Variants in INF2 observed in about 807,000 individuals in gnomAD.
The protein encoded by INF2 is inverted formin 2, also known as inverted formin-2.
INF2 carries 43 observed loss-of-function variants against 123.5 expected under a neutral mutation model. The ratio of observed to expected loss-of-function variants is 0.35; its 90% CI spans 0.27 to 0.45. The LOEUF (loss-of-function observed/expected upper bound fraction) is 0.45. Among genes scored for constraint, INF2 ranks in the 20% least tolerant of loss-of-function variants. The pLI, the probability that INF2 is intolerant of heterozygous loss-of-function variation, is 1.00. For synonymous variants in INF2, 851 were observed against 745.0 expected (o/e 1.14, Z -2.32); for missense variants, 1,453 against 1,682.7 (o/e 0.86, Z 2.39).
upstream of INF2, among the ~76,000 whole-genome samples, chr14:104,689,426 C>T (rs1052684087): frequency 4.6e-5 from 7 of 152,086 alleles, no homozygotes; most frequent in African/African-American, 1.7e-4. Flanking sequence ...GAGGGGGCGG[C>T]CAGGTTATTC....
upstream of INF2, among the ~76,000 whole-genome samples, chr14:104,688,454 C>G (rs1425988171): frequency 3.3e-5 from 5 of 152,258 alleles, no homozygotes; most frequent in Admixed American, 3.3e-4. Context: ...TCTCCCCTCG[C>G]CCTCACCCTG....
In INF2 at chr14:104,699,562, G is replaced by A; in HGVS notation, c.-9-1795G>A. ...GCAGCCCAGGACAGGGCCCAGAGTG[G>A]GTGGGCAGAGGTGGCCGGAAGGTCT... On this transcript the variant is annotated intron_variant, in intron 1 of 22. Coordinates refer to ENST00000392634, the MANE Select transcript of INF2 (RefSeq NM_022489.4). This position sits in a 1 kb window ranked among gnomAD's most constrained non-coding sequence, Gnocchi z 4.7. 3.0e-6 allele frequency: 3 copies of A among 985,280 alleles called. No individual in the cohort carries two copies. Among genetic ancestry groups the A allele is most frequent in the Non-Finnish European group, 3.6e-6 (3 of 829,886 alleles). 61.0% of individuals were successfully genotyped at this position (985,280 alleles called of 1,614,324 possible). A position where few individuals can be genotyped will look rare whatever the true frequency, so the allele number is the denominator to read the frequency against.
At chr14:104,708,190 G>T (rs1224198298) in intron 8 of INF2, 188 bp downstream of exon 8, 3 of 1,003,270 alleles carry the variant, frequency 3.0e-6, no homozygotes, top group Non-Finnish European at 2.9e-6. Context: ...CAGGGCAGGG[G>T]CTACCTCTGA....
In INF2 at chr14:104,707,701, A is replaced by T; in HGVS notation, c.1434A>T (p.Pro478=). ...CCCCCCCAGCACCTCCTCTACCACC[A>T]CCCCTGCCAGGCTCCTGTGAGTTCC... ...AMAPPAPPLP[P]PLPGSCEFLP... is the part of the protein sequence containing the mutation. Residue 478 remains proline, a synonymous_variant, in exon 8 of 23, where the codon CCA becomes CCT. Coordinates refer to ENST00000392634, the MANE Select transcript of INF2 (RefSeq NM_022489.4). 1 of 644,522 alleles carries T rather than the reference A, an allele frequency of 1.6e-6. No homozygotes were observed. The highest frequency in any genetic ancestry group is 2.1e-6 in the Non-Finnish European group (1 of 474,748). 39.9% of individuals were successfully genotyped at this position (644,522 alleles called of 1,614,324 possible).
rs764207024 is a variant in INF2, at chr14:104,701,344, C to T, written c.-9-13C>T. 6 of 1,563,392 alleles carry T rather than the reference C, an allele frequency of 3.8e-6. No homozygotes were observed. The highest frequency in any genetic ancestry group is 1.8e-5 in the Admixed American group (1 of 54,462). On this transcript the variant is annotated splice_polypyrimidine_tract_variant and intron_variant, in intron 1 of 22. Coordinates refer to ENST00000392634, the MANE Select transcript of INF2 (RefSeq NM_022489.4). ...CCCCTCCCCGCTGACGGCTCCCTGC[C>T]CTCTGCCTGCAGCTCGGCAAGATGT...
At chr14:104,700,488 G>A (rs1331127876) in intron 1 of INF2, among the ~76,000 whole-genome samples, 1 of 152,152 alleles carries the variant, frequency 6.6e-6, no homozygotes, top group Non-Finnish European at 1.5e-5. Flanking sequence ...GTTGCAGGAG[G>A]GCCTGGGATG....
At chr14:104,691,948 G>A (rs1888973077) in intron 1 of INF2, among the ~76,000 whole-genome samples, 1 of 152,194 alleles carries the variant, frequency 6.6e-6, no homozygotes, top group Non-Finnish European at 1.5e-5. Flanking sequence ...ACCAGGCCAG[G>A]AGAGCAGGGC....
intron 20 of INF2, among the ~76,000 whole-genome samples, 165 bp downstream of exon 20, chr14:104,713,771 A>G (rs1890164941): frequency 6.6e-6 from 1 of 152,276 alleles, no homozygotes; most frequent in Admixed American, 6.5e-5. Context: ...GTGGCCGCTC[A>G]GCCCTCATCC....
rs1890052793 is a variant in INF2, at chr14:104,711,646, C to G, written c.2436C>G (p.His812Gln). The change falls in exon 16 of 23, where the codon CAC (histidine) becomes CAG (glutamine). Residue 812 changes from histidine to glutamine, a missense_variant. By Grantham distance (24) the His-to-Gln change is conservative. Transcript: ENST00000392634. ...CATTGCAGGAAGCGGAAAAGAGCCA[C>G]CCCGACCTCCTGCAGCTGCCCCGGG... ...HHVLEEAEKS[H>Q]PDLLQLPRDL... is the part of the protein sequence containing the mutation. The G allele has an allele frequency of 1.9e-6, 3 of 1,612,522 alleles. No homozygotes were observed. The highest frequency in any genetic ancestry group is 2.5e-6 in the Non-Finnish European group (3 of 1,179,718).
chr14:104,689,606 C>CCCCCCCCCCCCCCCCCGG, upstream of INF2: 3 of 827,072 alleles, frequency 3.6e-6, no homozygotes, highest in Non-Finnish European at 4.4e-6. Flanking sequence ...CCGCCCCGCC[C>CCCCCCCCCCCCCCCCCGG]GCCCCGCGCC....
In INF2 at chr14:104,714,856, G is replaced by A. The variant is rs1364481146; in HGVS notation, c.3694G>A (p.Glu1232Lys). 6.4e-7 allele frequency: 1 copy of A among 1,559,608 alleles called. No individual in the cohort carries two copies. Among genetic ancestry groups the A allele is most frequent in the South Asian group, 1.2e-5 (1 of 82,436 alleles). The change falls in exon 21 of 23, where the codon GAG becomes AAG. Residue 1232 changes from glutamate (E) to lysine (K), a missense_variant and splice_region_variant. Glu to Lys is a moderately conservative substitution (Grantham distance 56, BLOSUM62 1). Around this residue, in one of 8 missense-constraint regions of INF2, gnomAD observed 344 missense variants for 333.1 expected, o/e 1.03. Coordinates refer to ENST00000392634, the MANE Select transcript of INF2 (RefSeq NM_022489.4). ...RKKRPSRSQEEVPPDSDDNKT... is the reference protein window; with the variant it reads ...RKKRPSRSQEKVPPDSDDNKT... ...GAAGCGTCCCTCCAGGAGCCAGGAAGGTAACTCAGGGAGGGGCCCCGGGCA... is the reference window on the plus strand; with the variant it reads ...GAAGCGTCCCTCCAGGAGCCAGGAAAGTAACTCAGGGAGGGGCCCCGGGCA...
At chr14:104,704,560 A>G (rs977056771) in intron 5 of INF2, 18 of 158,570 alleles carry the variant, frequency 1.1e-4, no homozygotes, top group African/African-American at 4.3e-4. Flanking sequence ...CACGCGCGCA[A>G]GGGATCCAGG....
intron 1 of INF2, among the ~76,000 whole-genome samples, chr14:104,682,706 A>G (rs925988656): frequency 1.3e-5 from 2 of 152,162 alleles, no homozygotes; most frequent in Non-Finnish European, 2.9e-5. Context: ...AGGTTCTGTA[A>G]GAACTGGGGA....
At chr14:104,691,707 C>T (rs12895093) in intron 1 of INF2, among the ~76,000 whole-genome samples, 33,351 of 152,050 alleles carry the variant, frequency 0.22, 3,996 homozygotes, top group Non-Finnish European at 0.27. Context: ...GTTCTACCAA[C>T]GGTGGGAAGG....
Position 104,707,525 on chromosome 14 carries a change from A to ACCCCCCCCCCCCCCCCCCCCCCCCCCC in INF2, c.1262_1263insCCCCCCCCCCCCCCCCCCCCCCCCCCC (p.Pro428_Leu429insProProProProProProProProPro). ...CAGAGCCCTGGAGCAGCAGGCGTCC[A>ACCCCCCCCCCCCCCCCCCCCCCCCCCC]CCCCACCCCCACCCCCACCCCCACC... On this transcript the variant is annotated inframe_insertion, in exon 8 of 23. Transcript: ENST00000392634. The ACCCCCCCCCCCCCCCCCCCCCCCCCCC allele has an allele frequency of 2.2e-6, 3 of 1,379,262 alleles. No homozygotes were observed. Among genetic ancestry groups the ACCCCCCCCCCCCCCCCCCCCCCCCCCC allele is most frequent in the South Asian group, 1.2e-5 (1 of 80,602 alleles). The allele number at this position is 1,379,262 out of a possible 1,614,324, so 85.4% of individuals were successfully genotyped here.
Position 104,714,319 on chromosome 14 carries a change from G to A in INF2, c.3157G>A (p.Val1053Met), listed in dbSNP as rs760721935. The A allele has an allele frequency of 5.0e-5, 79 of 1,589,696 alleles. No individual in the cohort carries two copies. The highest frequency in any genetic ancestry group is 6.1e-5 in the Non-Finnish European group (71 of 1,169,176). Residue 1053 changes from valine (V) to methionine (M), a missense_variant, in exon 21 of 23, where the codon GTG becomes ATG. Physicochemically the swap from Val to Met is conservative, Grantham distance 21. Around this residue, in one of 8 missense-constraint regions of INF2, gnomAD observed 344 missense variants for 333.1 expected, o/e 1.03. Transcript: ENST00000392634. The part of the protein sequence containing the change: ...ESRGWDLVDA[V>M]TPGPQPTLEQ... ...CCGGGGCTGGGACCTTGTAGACGCC[G>A]TGACCCCCGGCCCTCAGCCCACCCT...
chr14:104,702,170 G>A (rs1889550336), intron 2 of INF2, among the ~76,000 whole-genome samples: 1 of 152,122 alleles, frequency 6.6e-6, no homozygotes. Context: ...AAGCCCTTCA[G>A]CCTCAGCCCA....
Position 104,707,669 on chromosome 14 carries a change from G to T in INF2, c.1402G>T (p.Ala468Ser), listed in dbSNP as rs1188304798. Residue 468 changes from alanine (A) to serine (S), a missense_variant, in exon 8 of 23, where the codon GCC (alanine) becomes TCC (serine). This residue lies in a region of INF2 where 374 missense variants were observed against 303.7 expected (regional missense o/e 1.23). Transcript: ENST00000392634. ...PPPPPLPGLGAMAPPAPPLPP... is the reference protein window; with the variant it reads ...PPPPPLPGLGSMAPPAPPLPP... The stretch of plus-strand genomic sequence containing the variant: ...GCCCCCACCCCTGCCAGGCCTGGGG[G>T]CCATGGCCCCCCCAGCACCTCCTCT... 2.0e-6 allele frequency: 2 copies of T among 1,009,410 alleles called. No individual in the cohort carries two copies. Among genetic ancestry groups the T allele is most frequent in the African/African-American group, 1.7e-5 (1 of 58,284 alleles). 62.5% of individuals were successfully genotyped at this position (1,009,410 alleles called of 1,614,324 possible).
At position 104,711,332 on chromosome 14, in the gene INF2, A is replaced by T. The variant is rs560563127; in HGVS notation, c.2418+146A>T. The T allele has an allele frequency of 9.7e-5, 72 of 746,090 alleles. 1 individual carries two copies. The South Asian group carries it at 1.2e-3, about 12-fold the overall frequency. The allele number at this position is 746,090 out of a possible 1,614,324, so 46.2% of individuals were successfully genotyped here. ...GGCTCCGTCTAGAGCCAGCAGCCTC[A>T]GTCAGAGCCACGCCCCCACCCCTCC... On this transcript the variant is annotated intron_variant, in intron 15 of 22. Coordinates refer to ENST00000392634, the MANE Select transcript of INF2 (RefSeq NM_022489.4).
Sources: allele counts gnomAD v4.1 joint callset (sites outside exome capture counted in the v4.1 genomes callset), GRCh38; gene constraint gnomAD v4.1.1; regional missense constraint gnomAD v4.1.1; non-coding constraint Gnocchi (gnomAD v3.1); transcripts MANE v1.5; gene names NCBI Gene and HGNC (gene_info 2026-07-23, HGNC 2026-07-21).